VILL: variants seen among roughly 807,000 people sequenced by gnomAD.
VILL encodes villin-like protein.
VILL carries 102 observed loss-of-function variants against 106.3 expected under a neutral mutation model. The observed-to-expected ratio is 0.96, with a 90% CI of 0.82 to 1.13. The LOEUF is 1.13. Among genes scored for constraint, VILL ranks in the 50% most tolerant of loss-of-function variants. The probability of loss-of-function intolerance (pLI) is 0.00; values close to 1 mark genes in which losing one functional copy is unlikely to be tolerated. For synonymous variants in VILL, 431 were observed against 440.3 expected (o/e 0.98, Z 0.27); for missense variants, 1,076 against 1,116.6 (o/e 0.96, Z 0.52).
chr3:37,997,019 C>A lies in VILL; in HGVS notation c.451-58C>A. 6.7e-7 allele frequency: 1 copy of A among 1,496,910 alleles called. No individual in the cohort carries two copies. Among genetic ancestry groups the A allele is most frequent in the Non-Finnish European group, 9.3e-7 (1 of 1,075,808 alleles). The allele number at this position is 1,496,910 out of a possible 1,614,324, so 92.7% of individuals were successfully genotyped here. On this transcript the variant is annotated intron_variant, in intron 5 of 19. Transcript: ENST00000383759. This position sits in a 1 kb window ranked among gnomAD's most constrained non-coding sequence, Gnocchi z 4.7. ...GCACACGTGACACATCCCAGCTATG[C>A]TCCCCTCTAGCGGATGCTGGTGGTA...
In VILL at chr3:38,005,195, A is replaced by G. The variant is rs1317441357; in HGVS notation, c.1951-597A>G. Among the ~76,000 whole-genome samples, 6 of 151,972 alleles carry G rather than the reference A, an allele frequency of 3.9e-5. 1 individual carries two copies. The highest frequency in any genetic ancestry group is 2.6e-4 in the Admixed American group (4 of 15,268). ...ATTGGTGATGAAGCTGTGTGCTCCC[A>G]TCTACTCAGAACAAACCCAGAGCTC... On this transcript the variant is annotated intron_variant, in intron 16 of 19. Coordinates refer to ENST00000383759, the MANE Select transcript of VILL (RefSeq NM_015873.4).
rs1350349820 is a variant in VILL, at chr3:37,999,151, G to GGGGCC, written c.1081+104_1081+108dup. 5 of 1,053,674 alleles carry GGGGCC rather than the reference G, an allele frequency of 4.7e-6. No homozygotes were observed. The African/African-American group carries it at 8.3e-5, about 17-fold the overall frequency. The allele number at this position is 1,053,674 out of a possible 1,614,324, so 65.3% of individuals were successfully genotyped here. ...GTTGGGATGGGTGAGCGGGCGGGGCGGGGCCGGAGGGGGCGGGGCCTGGTC... is the reference window on the plus strand; with the variant it reads ...GTTGGGATGGGTGAGCGGGCGGGGCGGGGCCGGGCCGGAGGGGGCGGGGCCTGGTC... On this transcript the variant is annotated intron_variant, in intron 10 of 19. Coordinates refer to ENST00000383759, the MANE Select transcript of VILL (RefSeq NM_015873.4).
chr3:38,003,864 C>T, intron 15 of VILL: 1 of 202,252 alleles, frequency 4.9e-6, no homozygotes. Context: ...GAGCTCAGTA[C>T]TCCCGTCTCC....
chr3:37,993,927 G>C lies in VILL; in HGVS notation c.90G>C (p.Gly30=). ...ENRKMVPVPE[G]AYGNFFEEHC... is the part of the protein sequence containing the mutation. Reference sequence around the variant, plus strand: ...GGAAGATGGTGCCGGTACCCGAGGGGGCTTACGGGAACTTTTTTGAGGAAC... The same window carrying C: ...GGAAGATGGTGCCGGTACCCGAGGGCGCTTACGGGAACTTTTTTGAGGAAC... Residue 30 remains glycine (G), a synonymous_variant, in exon 3 of 20, where the codon GGG becomes GGC. Transcript: ENST00000383759. 1.2e-6 allele frequency: 2 copies of C among 1,614,170 alleles called. No individual in the cohort carries two copies. Among genetic ancestry groups the C allele is most frequent in the South Asian group, 1.1e-5 (1 of 91,080 alleles).
chr3:37,999,967 T>C (rs1474804029), intron 11 of VILL, among the ~76,000 whole-genome samples: 1 of 152,250 alleles, frequency 6.6e-6, no homozygotes, highest in Admixed American at 6.5e-5. Flanking sequence ...CTCAGCCCAG[T>C]GTCCTGCGAG....
chr3:38,005,974 TGTGA>T lies in VILL; in HGVS notation c.2133+6_2133+9del. ...TCACTTGGGACCCCTACAAGTGGACTGTGAGTGAGGCCTGAAACCCCCAGCCCTA... is the reference window on the plus strand; with the variant it reads ...TCACTTGGGACCCCTACAAGTGGACTGTGAGGCCTGAAACCCCCAGCCCTA... On this transcript the variant is annotated splice_donor_variant and splice_donor_region_variant and intron_variant, in intron 17 of 19. Transcript: ENST00000383759. LOFTEE classifies it high-confidence loss of function. The T allele has an allele frequency of 6.2e-7, 1 of 1,609,290 alleles. No individual in the cohort carries two copies. The highest frequency in any genetic ancestry group is 8.5e-7 in the Non-Finnish European group (1 of 1,176,746).
chr3:38,007,146 T>C lies in VILL; in HGVS notation c.*91T>C, dbSNP rs924370828. ...TGCTTCCACTCCCCTCAGAGGCTTT[T>C]GGTCATCCTCTGCGTGTCAGTAAAA... On this transcript the variant is annotated 3_prime_UTR_variant, in exon 20 of 20. Coordinates refer to ENST00000383759, the MANE Select transcript of VILL (RefSeq NM_015873.4). 4.6e-6 allele frequency: 5 copies of C among 1,094,558 alleles called. No homozygotes were observed. Among genetic ancestry groups the C allele is most frequent in the Non-Finnish European group, 6.8e-6 (5 of 731,970 alleles). The allele number at this position is 1,094,558 out of a possible 1,614,324, so 67.8% of individuals were successfully genotyped here.
chr3:38,002,797 G>A (rs1269526900), intron 14 of VILL: 12 of 588,434 alleles, frequency 2.0e-5, no homozygotes, highest in East Asian at 3.0e-5. Flanking sequence ...GGCCCAGGCC[G>A]CCTCCCCTCC....
At chr3:38,002,851 G>T in intron 14 of VILL, 1 of 535,474 alleles carries the variant, frequency 1.9e-6, no homozygotes, top group Non-Finnish European at 3.3e-6. Flanking sequence ...AGGTCTCTTG[G>T]GAAAAGGGGA....
intron 13 of VILL, chr3:38,002,145 G>A (rs149065989): frequency 1.9e-5 from 12 of 639,426 alleles, no homozygotes; most frequent in Admixed American, 5.9e-5. Flanking sequence ...TCCAAGGCCT[G>A]AGCACCCATG....
At chr3:37,988,853 ACT>A (rs897000556), upstream of VILL, among the ~76,000 whole-genome samples, 6 of 152,100 alleles carry the variant, frequency 3.9e-5, no homozygotes, top group African/African-American at 1.2e-4. Context: ...CAAGAGCAAA[ACT>A]CTGTCTCAAA....
rs1434366321 is a variant in VILL, at chr3:38,001,485, G to A, written c.1212G>A (p.Gln404=). Residue 404 remains glutamine, a synonymous_variant, in exon 12 of 20, where the codon CAG becomes CAA. Transcript: ENST00000383759. The stretch of plus-strand genomic sequence containing the variant: ...GGTGCATCCAGGACTTACACAGGCA[G>A]CCCGTGGACCCCAAGCGTCATGGAC... ...EVWCIQDLHR[Q]PVDPKRHGQL... 3 of 1,614,094 alleles carry A rather than the reference G, an allele frequency of 1.9e-6. No individual in the cohort carries two copies. The highest frequency in any genetic ancestry group is 1.7e-6 in the Non-Finnish European group (2 of 1,180,028).
chr3:37,994,428 G>T lies in VILL; in HGVS notation c.303G>T (p.Glu101Asp). 1.2e-6 allele frequency: 2 copies of T among 1,612,738 alleles called. No individual in the cohort carries two copies. The change falls in exon 4 of 20, where the codon GAG becomes GAT. Residue 101 changes from glutamate (E) to aspartate (D), a missense_variant. By Grantham distance (45) the Glu-to-Asp change is conservative. Transcript: ENST00000383759. ...TGCACCGCGAGGCGCAGGGCCACGA[G>T]TCCGACTGCTTCTGCAGCTACTTCC... is the stretch of plus-strand genomic sequence containing the variant. Reference protein sequence around the residue: ...TVLHREAQGHESDCFCSYFRP... With the variant: ...TVLHREAQGHDSDCFCSYFRP...
In VILL at chr3:37,998,245, C is replaced by T; in HGVS notation, c.844-21C>T. On this transcript the variant is annotated intron_variant, in intron 8 of 19. Coordinates refer to ENST00000383759, the MANE Select transcript of VILL (RefSeq NM_015873.4). This position sits in a 1 kb window ranked among gnomAD's most constrained non-coding sequence, Gnocchi z 4.1. ...AGCCCAGTCTGGACCACCTACTGAC[C>T]AGCCCCACCCTTGCTCCCAGGACTT... 3 of 1,614,014 alleles carry T rather than the reference C, an allele frequency of 1.9e-6. No individual in the cohort carries two copies. The highest frequency in any genetic ancestry group is 2.5e-6 in the Non-Finnish European group (3 of 1,179,878).
At position 37,993,914 on chromosome 3, in the gene VILL, C is replaced by G. The variant is rs1472882986; in HGVS notation, c.77C>G (p.Pro26Arg). The G allele has an allele frequency of 6.2e-7, 1 of 1,614,198 alleles. No homozygotes were observed. Among genetic ancestry groups the G allele is most frequent in the East Asian group, 2.2e-5 (1 of 44,880 alleles). The change falls in exon 3 of 20, where the codon CCG becomes CGG. Residue 26 changes from proline to arginine, a missense_variant. Pro to Arg is a moderately radical substitution (Grantham distance 103). Coordinates refer to ENST00000383759, the MANE Select transcript of VILL (RefSeq NM_015873.4). ...CTCTCCCAGAACCGGAAGATGGTGC[C>G]GGTACCCGAGGGGGCTTACGGGAAC... ...IWISENRKMV[P>R]VPEGAYGNFF...
intron 11 of VILL, among the ~76,000 whole-genome samples, chr3:37,999,819 T>A (rs1395714099): frequency 1.3e-5 from 2 of 152,122 alleles, no homozygotes; most frequent in Non-Finnish European, 2.9e-5. Context: ...AAACTCTACA[T>A]CAGACATGAC....
In VILL at chr3:37,995,787, C is replaced by T. The variant is rs1015006490; in HGVS notation, c.390C>T (p.Asn130=). ...LASDLKHVET[N]LFNIQRLLHI... is the part of the protein sequence containing the mutation. ...CTGACCTCAAGCATGTGGAGACCAA[C>T]TTGTTCAACATCCAGCGACTGCTGC... is the stretch of plus-strand genomic sequence containing the variant. Residue 130 remains asparagine (N), a synonymous_variant, in exon 5 of 20, where the codon AAC becomes AAT. Transcript: ENST00000383759. The T allele has an allele frequency of 2.7e-5, 44 of 1,613,932 alleles. No homozygotes were observed. Among genetic ancestry groups the T allele is most frequent in the Non-Finnish European group, 3.6e-5 (42 of 1,179,954 alleles).
Position 38,006,971 on chromosome 3 carries a change from T to A in VILL, c.2487T>A (p.Asp829Glu). 1 of 1,614,080 alleles carries A rather than the reference T, an allele frequency of 6.2e-7. No individual in the cohort carries two copies. The highest frequency in any genetic ancestry group is 8.5e-7 in the Non-Finnish European group (1 of 1,179,996). ...ATCTCTCAGACTCTGACTTCCAAGA[T>A]ATCTTTGGGAAATCCAAGGAGGAAT... ...EFYLSDSDFQ[D>E]IFGKSKEEFY... The change falls in exon 20 of 20, where the codon GAT becomes GAA. Residue 829 changes from aspartate to glutamate, a missense_variant. Physicochemically the swap from Asp to Glu is conservative, Grantham distance 45. Coordinates refer to ENST00000383759, the MANE Select transcript of VILL (RefSeq NM_015873.4).
rs1409081718 is a variant in VILL at position 37,998,700 on chromosome 3, G to A, written c.943-212G>A. Among the ~76,000 whole-genome samples the A allele has an allele frequency of 6.6e-6, 1 of 152,164 alleles. No homozygotes were observed. Among genetic ancestry groups the A allele is most frequent in the Non-Finnish European group, 1.5e-5 (1 of 68,032 alleles). On this transcript the variant is annotated intron_variant, in intron 9 of 19. Transcript: ENST00000383759. The surrounding 1 kb of genome is among the most constrained non-coding windows in gnomAD (Gnocchi z 4.1). Reference sequence around the variant, plus strand: ...GGGTCCGTGAGGGTTGACATGGCCTGTCCTGCACGAGGCCTAGACTAAGGG... The same window carrying A: ...GGGTCCGTGAGGGTTGACATGGCCTATCCTGCACGAGGCCTAGACTAAGGG...
Sources: allele counts gnomAD v4.1 joint callset (sites outside exome capture counted in the v4.1 genomes callset), GRCh38; gene constraint gnomAD v4.1.1; non-coding constraint Gnocchi (gnomAD v3.1); transcripts MANE v1.5; gene names NCBI Gene and HGNC (gene_info 2026-07-23, HGNC 2026-07-21).